Variants in PGAP6 observed in about 807,000 individuals in gnomAD.
The protein encoded by PGAP6 is post-GPI attachment to proteins 6.
PGAP6 carries 62 observed loss-of-function variants against 68.4 expected under a neutral mutation model. The ratio of observed to expected loss-of-function variants is 0.91; its 90% CI spans 0.74 to 1.12. The LOEUF is 1.12. PGAP6 is among the 50% of genes most tolerant of loss of function. The pLI is 0.00. For missense variants in PGAP6, 1,188 were observed against 1,068.5 expected (o/e 1.11, Z -1.56); for synonymous variants, 575 against 474.0 (o/e 1.21, Z -2.77).
At chr16:382,370 G>T (rs1487599152), upstream of PGAP6, 3 of 382,812 alleles carry the variant, frequency 7.8e-6, no homozygotes, top group Admixed American at 4.5e-5. Flanking sequence ...GCCTGGGACC[G>T]AGAGGAACCC....
upstream of PGAP6, among the ~76,000 whole-genome samples, chr16:385,134 C>A (rs1023067435): frequency 1.3e-5 from 2 of 150,424 alleles, no homozygotes; most frequent in Non-Finnish European, 3.0e-5. Flanking sequence ...CCACTGCACT[C>A]CAGCCTGGGC....
intron 6 of PGAP6, 98 bp from the exon 7 acceptor site, chr16:375,533 C>A: frequency 2.3e-5 from 17 of 751,360 alleles, no homozygotes; most frequent in Non-Finnish European, 3.4e-5. Flanking sequence ...TGGTGCCTTT[C>A]TTTTTTTTTT....
intron 1 of PGAP6, among the ~76,000 whole-genome samples, chr16:378,163 GCCACCCGCACTGCCATCC>G (rs1567325605): frequency 3.1e-4 from 32 of 102,568 alleles, no homozygotes; most frequent in Admixed American, 9.7e-4. Flanking sequence ...GACTGCCATC[GCCACCCGCACTGCCATCC>G]CCACCCGCAC....
At chr16:386,726 C>CAAAAA (rs10544230), upstream of PGAP6, 23 of 311,960 alleles carry the variant, frequency 7.4e-5, no homozygotes, top group Non-Finnish European at 1.1e-4. Context: ...AAAAAAAAAC[C>CAAAAA]AAAAAAAAAA....
intron 1 of PGAP6, among the ~76,000 whole-genome samples, chr16:378,493 CTG>C: frequency 7.6e-5 from 1 of 13,098 alleles, no homozygotes; most frequent in Non-Finnish European, 1.4e-4. Flanking sequence ...CATCGCCACT[CTG>C]ACTGCCATCC....
Position 372,685 on chromosome 16 carries a change from G to A in PGAP6, c.1945C>T (p.Gln649Ter), listed in dbSNP as rs900565987. ...TTCCACATGCCCCTGCGGTCCAGCT[G>A]CAAGGACATGGCGATGACCAGTGTA... ...LGTLVIAMSL[Q>*]LDRRGMWNML... is the part of the protein sequence containing the mutation. Residue 649 changes from glutamine to a stop codon, truncating the protein, a stop_gained, in exon 12 of 13, where the codon CAG becomes TAG. Coordinates refer to ENST00000431232, the MANE Select transcript of PGAP6 (RefSeq NM_021259.3). LOFTEE classifies it high-confidence loss of function. The A allele has an allele frequency of 1.2e-6, 2 of 1,612,442 alleles. No homozygotes were observed. The highest frequency in any genetic ancestry group is 1.7e-5 in the Admixed American group (1 of 60,002).
chr16:371,748 G>T lies in PGAP6; in HGVS notation c.*239C>A. ...AAGTAACCAAGCCCAGGCCCCAGGG[G>T]CCACTGCAGACAGCAGCTGGGATCT... On this transcript the variant is annotated 3_prime_UTR_variant, in exon 13 of 13. Coordinates refer to ENST00000431232, the MANE Select transcript of PGAP6 (RefSeq NM_021259.3). The T allele has an allele frequency of 1.9e-6, 1 of 517,484 alleles. No homozygotes were observed. Among genetic ancestry groups the T allele is most frequent in the Non-Finnish European group, 3.5e-6 (1 of 287,006 alleles). 32.1% of individuals were successfully genotyped at this position (517,484 alleles called of 1,614,324 possible). A position where few individuals can be genotyped will look rare whatever the true frequency, so the allele number is the denominator to read the frequency against.
At chr16:375,514 G>C in intron 6 of PGAP6, 79 bp from the exon 7 acceptor site, 1 of 1,223,712 alleles carries the variant, frequency 8.2e-7, no homozygotes, top group African/African-American at 1.5e-5. Context: ...TGCCAGCTCA[G>C]CCTGGTGCTG....
chr16:372,802 G>GGCCCCACAGCACCTCT, intron 11 of PGAP6, 75 bp from the exon 12 acceptor site: 1 of 1,059,106 alleles, frequency 9.4e-7, no homozygotes, highest in Admixed American at 2.0e-5. Flanking sequence ...CGTACCCCAC[G>GGCCCCACAGCACCTCT]GCCCCACAGC....
chr16:375,709 T>G (rs1376812135), intron 6 of PGAP6, among the ~76,000 whole-genome samples: 1 of 152,106 alleles, frequency 6.6e-6, no homozygotes, highest in African/African-American at 2.4e-5. Flanking sequence ...TTTTTGTATT[T>G]TCAGTAGAGA....
chr16:375,747 G>A (rs1021795667), intron 6 of PGAP6, among the ~76,000 whole-genome samples: 17 of 152,044 alleles, frequency 1.1e-4, no homozygotes, highest in African/African-American at 3.9e-4. Flanking sequence ...AGCCAGGATG[G>A]TCCCAATCTC....
At chr16:386,686 G>A (rs1251992892), upstream of PGAP6, 3 of 391,958 alleles carry the variant, frequency 7.7e-6, no homozygotes, top group Non-Finnish European at 1.4e-5. Flanking sequence ...CCCAGCCTGG[G>A]CAACATGGTG....
At chr16:377,904 G>A in intron 1 of PGAP6, 56 bp from the exon 2 acceptor site, 1 of 1,455,932 alleles carries the variant, frequency 6.9e-7, no homozygotes, top group East Asian at 2.5e-5. Context: ...GGCCGCAGAT[G>A]GGGAGGACGA....
chr16:375,987 G>GC lies in PGAP6; in HGVS notation c.1224+148dup, dbSNP rs2054378733. 8 of 801,516 alleles carry GC rather than the reference G, an allele frequency of 1.0e-5. 1 individual carries two copies. The highest frequency in any genetic ancestry group is 7.5e-4 in the Middle Eastern group (2 of 2,676). 49.7% of individuals were successfully genotyped at this position (801,516 alleles called of 1,614,324 possible). On this transcript the variant is annotated intron_variant, in intron 6 of 12. Transcript: ENST00000431232. ...GGAACAAGGCTGCCCAGCAGGGGAG[G>GC]CCCCCCAACATGGGCCCCTGTCTTG...
At chr16:382,113 C>CGCGCGGGGGACGGACCGGG (rs2054448779), upstream of PGAP6, 10 of 332,692 alleles carry the variant, frequency 3.0e-5, no homozygotes, top group Non-Finnish European at 5.3e-5. Context: ...TCACGTGGGG[C>CGCGCGGGGGACGGACCGGG]GCGCGGGGGA....
At chr16:378,153 GACTGCCATCGCCACCCGC>G (rs1567325595) in intron 1 of PGAP6, among the ~76,000 whole-genome samples, 3 of 105,730 alleles carry the variant, frequency 2.8e-5, no homozygotes, top group Admixed American at 9.6e-5. Flanking sequence ...TCGCCACCCT[GACTGCCATCGCCACCCGC>G]ACTGCCATCC....
intron 11 of PGAP6, 40 bp from the exon 12 acceptor site, chr16:372,767 G>C: frequency 1.3e-6 from 2 of 1,492,532 alleles, no homozygotes; most frequent in Non-Finnish European, 1.8e-6. Flanking sequence ...ACGTCTCTGA[G>C]GGCTCAAGGC....
chr16:381,910 CTG>C lies in PGAP6; in HGVS notation c.-91_-90del. ...CGGGCAGCCTCTGCCGCCTCCGCCT[CTG>C]CCGCCTCCGCCTCTGCCCCCGGCGC... On this transcript the variant is annotated 5_prime_UTR_variant, in exon 1 of 13. It removes the in-frame stop codon of an upstream open reading frame in the 5' UTR. Coordinates refer to ENST00000431232, the MANE Select transcript of PGAP6 (RefSeq NM_021259.3). 1.0e-6 allele frequency: 1 copy of C among 967,188 alleles called. No individual in the cohort carries two copies. Among genetic ancestry groups the C allele is most frequent in the Non-Finnish European group, 1.2e-6 (1 of 815,898 alleles). The allele number at this position is 967,188 out of a possible 1,614,324, so 59.9% of individuals were successfully genotyped here. A position where few individuals can be genotyped will look rare whatever the true frequency, so the allele number is the denominator to read the frequency against.
At chr16:373,425 G>A (rs1379473639) in intron 11 of PGAP6, among the ~76,000 whole-genome samples, 1 of 152,174 alleles carries the variant, frequency 6.6e-6, no homozygotes, top group African/African-American at 2.4e-5. Flanking sequence ...CTTCTCGAAG[G>A]CAGGGGGCCT....
Sources: gnomAD v4.1 joint callset for allele counts (sites outside exome capture counted in the v4.1 genomes callset) on GRCh38, gnomAD v4.1.1 for gene constraint, MANE v1.5 for transcripts, NCBI Gene and HGNC (gene_info 2026-07-23, HGNC 2026-07-21) for gene names.